ANKRD35: variants seen among roughly 807,000 people sequenced by gnomAD.
The protein encoded by ANKRD35 is ankyrin repeat domain 35.
In ANKRD35, 102 loss-of-function variants were observed where a neutral mutation model predicts 109.9. That is an observed-to-expected ratio of 0.93 (90% CI 0.79 to 1.09). The LOEUF (loss-of-function observed/expected upper bound fraction) is 1.09, where lower values mean the gene tolerates loss of function less well. Ranked by LOEUF, ANKRD35 falls within the 50% of genes least tolerant of loss-of-function variation. ANKRD35 has a pLI of 0.00. For synonymous variants in ANKRD35, 515 were observed against 512.4 expected (o/e 1.01, Z -0.07); for missense variants, 1,240 against 1,230.1 (o/e 1.01, Z -0.12).
Position 145,872,348 on chromosome 1 carries a change from G to C in ANKRD35, c.2421C>G (p.Ile807Met). ...QATMSGKSQE[I>M]GKLKQLLYQA... The stretch of plus-strand genomic sequence containing the variant: ...GGTAGAGCAGCTGCTTCAGCTTTCC[G>C]ATCTCCTGGCTCTTCCCGCTCATCG... The change falls in exon 10 of 14, where the codon ATC (isoleucine) becomes ATG (methionine). Residue 807 changes from isoleucine (I) to methionine (M), a missense_variant. Transcript: ENST00000355594. 6.2e-7 allele frequency: 1 copy of C among 1,612,750 alleles called. No individual in the cohort carries two copies.
intron 10 of ANKRD35, among the ~76,000 whole-genome samples, chr1:145,871,781 T>C (rs1258177109): frequency 6.6e-6 from 1 of 152,148 alleles, no homozygotes; most frequent in African/African-American, 2.4e-5. Flanking sequence ...CTTCCACTTA[T>C]ACCTTACCTC....
chr1:145,884,907 C>T (rs1489906255), intron 1 of ANKRD35, among the ~76,000 whole-genome samples: 1 of 152,212 alleles, frequency 6.6e-6, no homozygotes, highest in Non-Finnish European at 1.5e-5. Context: ...AGGCAACTCA[C>T]CCAGTCCTCT....
intron 11 of ANKRD35, 38 bp downstream of exon 11, chr1:145,868,273 C>T (rs989283199): frequency 6.3e-7 from 1 of 1,599,728 alleles, no homozygotes. Context: ...CACTGCTGAC[C>T]TTCTTCTCCA....
chr1:145,868,989 C>T (rs1319668435), intron 10 of ANKRD35, among the ~76,000 whole-genome samples: 1 of 151,668 alleles, frequency 6.6e-6, no homozygotes, highest in Non-Finnish European at 1.5e-5. Context: ...TTTAAAAAGA[C>T]TAAAATGTTC....
chr1:145,868,521 T>C, intron 10 of ANKRD35, 121 bp from the exon 11 acceptor site: 1 of 776,674 alleles, frequency 1.3e-6, no homozygotes, highest in Non-Finnish European at 2.1e-6. Context: ...ATTGTCTCAT[T>C]TAACACTCAA....
intron 6 of ANKRD35, 53 bp downstream of exon 6, chr1:145,876,514 GAC>G: frequency 6.2e-7 from 1 of 1,604,720 alleles, no homozygotes; most frequent in Non-Finnish European, 8.5e-7. Flanking sequence ...CAAGCTGAGA[GAC>G]AGCAGCAGCC....
chr1:145,874,830 C>G lies in ANKRD35; in HGVS notation c.737G>C (p.Arg246Pro), dbSNP rs782782085. 1.9e-6 allele frequency: 3 copies of G among 1,589,830 alleles called. No individual in the cohort carries two copies. The highest frequency in any genetic ancestry group is 1.1e-5 in the South Asian group (1 of 87,088). Residue 246 changes from arginine (R) to proline (P), a missense_variant, in exon 8 of 14, where the codon CGG (arginine) becomes CCG (proline). Arg to Pro is a moderately radical substitution (Grantham distance 103). Transcript: ENST00000355594. ...TACACAAGGGCCTTTACCGCCCCGC[C>G]GCCGCCGGCTCAGGGCCTGCTGTAG... ...RHLQQALSRR[R>P]RGGQRLVQHP...
chr1:145,867,037 C>G (rs1193341770), intron 13 of ANKRD35, among the ~76,000 whole-genome samples: 1 of 152,112 alleles, frequency 6.6e-6, no homozygotes, highest in African/African-American at 2.4e-5. Context: ...CTCCCTACCC[C>G]AGACCCAACC....
Position 145,873,612 on chromosome 1 carries a change from T to C in ANKRD35, c.1157A>G (p.Lys386Arg). The C allele has an allele frequency of 6.2e-7, 1 of 1,614,064 alleles. No homozygotes were observed. ...DLLAESTQEL[K>R]KQQQAAATVN... is the part of the protein sequence containing the mutation. ...TGTGGCTGCTGCCTGCTGCTGCTTCTTTAGCTCTTGTGTACTCTCAGCCAG... is the reference window on the plus strand; with the variant it reads ...TGTGGCTGCTGCCTGCTGCTGCTTCCTTAGCTCTTGTGTACTCTCAGCCAG... The change falls in exon 10 of 14, where the codon AAG (lysine) becomes AGG (arginine). Residue 386 changes from lysine (K) to arginine (R), a missense_variant. Lys to Arg is a conservative substitution (Grantham distance 26). Transcript: ENST00000355594.
chr1:145,870,292 C>T (rs2101701879), intron 10 of ANKRD35, among the ~76,000 whole-genome samples: 1 of 151,988 alleles, frequency 6.6e-6, no homozygotes, highest in Admixed American at 6.6e-5. Context: ...CGGGGTTTCA[C>T]CGTGTTAGCC....
At chr1:145,876,749 C>A in intron 5 of ANKRD35, 67 bp downstream of exon 5, 2 of 1,611,830 alleles carry the variant, frequency 1.2e-6, no homozygotes, top group Non-Finnish European at 8.5e-7. Flanking sequence ...GCCCTTCCCT[C>A]CTCACGCCTC....
chr1:145,884,538 T>C (rs1654408096), intron 1 of ANKRD35, among the ~76,000 whole-genome samples: 1 of 152,172 alleles, frequency 6.6e-6, no homozygotes, highest in South Asian at 2.1e-4. Context: ...CCCCAACCTC[T>C]ACAGAAAATT....
chr1:145,879,145 A>G (rs1654194452), intron 2 of ANKRD35, 113 bp downstream of exon 2: 1 of 1,321,470 alleles, frequency 7.6e-7, no homozygotes, highest in African/African-American at 1.5e-5. Flanking sequence ...GCTAATTAAG[A>G]CAATGAAAAG....
Position 145,872,001 on chromosome 1 carries a change from C to A in ANKRD35, c.2768G>T (p.Cys923Phe). ...GCTCACCTTGGCTTCCTTGTCTCGG[C>A]AAGCCCCAATGAGATGCTCCATCTT... is the stretch of plus-strand genomic sequence containing the variant. ...KEKMEHLIGA[C>F]RDKEAKIKEL... Residue 923 changes from cysteine to phenylalanine, a missense_variant, in exon 10 of 14, where the codon TGC (cysteine) becomes TTC (phenylalanine). Transcript: ENST00000355594. The A allele has an allele frequency of 6.2e-7, 1 of 1,611,752 alleles. No individual in the cohort carries two copies.
At chr1:145,866,915 C>G (rs907900994) in intron 13 of ANKRD35, 150 bp from the exon 14 acceptor site, 25 of 182,428 alleles carry the variant, frequency 1.4e-4, no homozygotes, top group African/African-American at 5.7e-4. Flanking sequence ...TGGGGGATGA[C>G]TGCTCTTTGA....
chr1:145,872,250 C>A lies in ANKRD35; in HGVS notation c.2519G>T (p.Gly840Val), dbSNP rs781847273. ...ASLRQHEKTRGSLVAQAQAWG... is the reference protein window; with the variant it reads ...ASLRQHEKTRVSLVAQAQAWG... ...AGCCTGAGCCTGGGCCACCAGCGAA[C>A]CCCGAGTTTTCTCGTGTTGCCGTAG... is the stretch of plus-strand genomic sequence containing the variant. Residue 840 changes from glycine to valine, a missense_variant, in exon 10 of 14, where the codon GGT (glycine) becomes GTT (valine). Gly to Val is a moderately radical substitution (Grantham distance 109). Coordinates refer to ENST00000355594, the MANE Select transcript of ANKRD35 (RefSeq NM_144698.5). 22 of 1,611,414 alleles carry A rather than the reference C, an allele frequency of 1.4e-5. No homozygotes were observed. The highest frequency in any genetic ancestry group is 1.9e-5 in the Non-Finnish European group (22 of 1,178,928).
intron 13 of ANKRD35, 138 bp downstream of exon 13, chr1:145,867,149 C>T: frequency 1.7e-6 from 1 of 595,340 alleles, no homozygotes; most frequent in Admixed American, 2.7e-5. Context: ...TTCTCAGTCA[C>T]CTCAAATGCT....
Position 145,885,850 on chromosome 1 carries a change from G to C in ANKRD35, c.-92C>G. ...CGGACTTGGCTGCGGCTGTGCAAGA[G>C]ACAGCTGTCAAAAAGCAGAGCGGGC... On this transcript the variant is annotated 5_prime_UTR_variant, in exon 1 of 14. Transcript: ENST00000355594. The C allele has an allele frequency of 1.0e-6, 1 of 988,294 alleles. No individual in the cohort carries two copies. The highest frequency in any genetic ancestry group is 1.3e-5 in the South Asian group (1 of 75,632). The allele number at this position is 988,294 out of a possible 1,614,324, so 61.2% of individuals were successfully genotyped here.
Position 145,873,885 on chromosome 1 carries a change from G to T in ANKRD35, c.884C>A (p.Ser295Ter), listed in dbSNP as rs150298436. The change falls in exon 10 of 14, where the codon TCG becomes TAG. Residue 295 changes from serine to a stop codon, truncating the protein, a stop_gained. Coordinates refer to ENST00000355594, the MANE Select transcript of ANKRD35 (RefSeq NM_144698.5). LOFTEE classifies it high-confidence loss of function. ...TTCATACTTCCACCTCCACTCCTCCGAGCACGGGTCTTCATCCTCCTTCTC... is the reference window on the plus strand; with the variant it reads ...TTCATACTTCCACCTCCACTCCTCCTAGCACGGGTCTTCATCCTCCTTCTC... The part of the protein sequence containing the change: ...QEEKEDEDPC[S>*]EEWRWKYEEE... 1 of 1,614,050 alleles carries T rather than the reference G, an allele frequency of 6.2e-7. No homozygotes were observed. The highest frequency in any genetic ancestry group is 8.5e-7 in the Non-Finnish European group (1 of 1,179,994).
Sources: gnomAD v4.1 joint callset for allele counts (sites outside exome capture counted in the v4.1 genomes callset) on GRCh38, gnomAD v4.1.1 for gene constraint, MANE v1.5 for transcripts, NCBI Gene and HGNC (gene_info 2026-07-23, HGNC 2026-07-21) for gene names.